Variants in REV1 observed in about 807,000 individuals in gnomAD.
REV1 encodes the protein REV1 DNA directed polymerase.
A neutral mutation model predicts 137.4 loss-of-function variants in REV1; 42 were observed. The observed-to-expected ratio is 0.31, with a 90% CI of 0.24 to 0.40. The LOEUF (loss-of-function observed/expected upper bound fraction) is 0.40, where lower values mean the gene tolerates loss of function less well. Ranked by LOEUF, REV1 falls within the 10% of genes least tolerant of loss-of-function variation. REV1 has a pLI of 1.00. For missense variants in REV1, 1,282 were observed against 1,490.1 expected (o/e 0.86, Z 2.30); for synonymous variants, 524 against 519.2 (o/e 1.01, Z -0.12).
intron 4 of REV1, among the ~76,000 whole-genome samples, chr2:99,447,219 T>C (rs7563455): frequency 0.44 from 67,349 of 151,588 alleles, 15,198 homozygotes; most frequent in Admixed American, 0.58. Flanking sequence ...TGCAGTGGCG[T>C]GATCTCAGCT....
chr2:99,408,998 A>G (rs28382955), intron 14 of REV1, among the ~76,000 whole-genome samples: 27,182 of 152,176 alleles, frequency 0.18, 2,953 homozygotes, highest in African/African-American at 0.29. Flanking sequence ...TATAGAAATA[A>G]CCACTAAAAG....
intron 1 of REV1, among the ~76,000 whole-genome samples, chr2:99,467,704 A>C (rs936560525): frequency 1.3e-5 from 2 of 152,228 alleles, no homozygotes; most frequent in African/African-American, 4.8e-5. Flanking sequence ...TAGACAGACC[A>C]AACTTTGCAG....
At position 99,417,440 on chromosome 2, in the gene REV1, G is replaced by A. The variant is rs531808974; in HGVS notation, c.1951+1388C>T. On this transcript the variant is annotated intron_variant, in intron 12 of 22. Transcript: ENST00000258428. ...ATTACAGGTGTGAGTCACCATGCCC[G>A]GCCACAGTGTGACTGTATTTGGACA... Among the ~76,000 whole-genome samples, 8 of 152,190 alleles carry A rather than the reference G, an allele frequency of 5.3e-5. No individual in the cohort carries two copies. The South Asian group carries it at 1.0e-3, about 20-fold the overall frequency.
intron 4 of REV1, among the ~76,000 whole-genome samples, chr2:99,447,865 C>T (rs1475682051): frequency 6.6e-6 from 1 of 152,124 alleles, no homozygotes; most frequent in Non-Finnish European, 1.5e-5. Flanking sequence ...GGATTACAGG[C>T]ACAAGCCACC....
chr2:99,436,442 T>C (rs766896851), intron 6 of REV1, among the ~76,000 whole-genome samples: 23 of 152,236 alleles, frequency 1.5e-4, no homozygotes, highest in Non-Finnish European at 1.0e-4. Flanking sequence ...TCACATAGCC[T>C]ATTATTAAAT....
At chr2:99,490,134 C>G (rs376001761), upstream of REV1, 17 of 140,386 alleles carry the variant, frequency 1.2e-4, no homozygotes, top group East Asian at 2.1e-3. Flanking sequence ...TCTGCTCCCC[C>G]CGGCCCGGGG....
intron 14 of REV1, 74 bp from the exon 15 acceptor site, chr2:99,408,205 G>GT (rs1426815844): frequency 1.4e-6 from 1 of 716,204 alleles, no homozygotes; most frequent in Non-Finnish European, 2.2e-6. Context: ...GTATGGAACT[G>GT]TTTAAAAGAG....
At position 99,400,629 on chromosome 2, in the gene REV1, G is replaced by A. The variant is rs898357136; in HGVS notation, c.*612C>T. 1.3e-5 allele frequency: 2 copies of A among 152,134 alleles called. No homozygotes were observed. The highest frequency in any genetic ancestry group is 3.4e-3 in the Middle Eastern group (1 of 294). 9.4% of individuals were successfully genotyped at this position (152,134 alleles called of 1,614,324 possible). On this transcript the variant is annotated 3_prime_UTR_variant, in exon 23 of 23. Coordinates refer to ENST00000258428, the MANE Select transcript of REV1 (RefSeq NM_016316.4). ...AAAGACAACACCACCTCTGATCTAC[G>A]GGACATAATGTTCCCAGGAAAAAAA...
chr2:99,484,018 T>A (rs1575264858), intron 1 of REV1, among the ~76,000 whole-genome samples: 1 of 149,122 alleles, frequency 6.7e-6, no homozygotes, highest in Non-Finnish European at 1.5e-5. Context: ...TCAGAAACCA[T>A]TAAAATTTAT....
Position 99,403,095 on chromosome 2 carries a change from G to T in REV1, c.3178C>A (p.Pro1060Thr), listed in dbSNP as rs3087388. ...ACTGCTGCCTTTAGATGAAGTAAAG[G>T]ATTCTTTGGCACTAAGAGCAGATGG... ...QSASASVPKNPLLHLKAAVKE... is the reference protein window; with the variant it reads ...QSASASVPKNTLLHLKAAVKE... Residue 1060 changes from proline to threonine, a missense_variant, in exon 20 of 23, where the codon CCT becomes ACT. By Grantham distance (38) the Pro-to-Thr change is conservative (BLOSUM62 -1). Transcript: ENST00000258428. 357 of 1,604,958 alleles carry T rather than the reference G, an allele frequency of 2.2e-4. No individual in the cohort carries two copies. In the African/African-American group the frequency reaches 4.3e-3, roughly 19 times the overall value.
upstream of REV1, chr2:99,490,093 G>C (rs1477921010): frequency 7.1e-6 from 1 of 141,146 alleles, no homozygotes; most frequent in Non-Finnish European, 1.5e-5. Context: ...CCCCGGCCCC[G>C]CTCGCGCTCA....
intron 5 of REV1, among the ~76,000 whole-genome samples, chr2:99,440,183 C>G (rs1681298256): frequency 6.6e-6 from 1 of 152,164 alleles, no homozygotes; most frequent in Non-Finnish European, 1.5e-5. Context: ...AAAGTCACAT[C>G]CTGGCTCCTC....
chr2:99,421,091 T>C (rs780268577), intron 11 of REV1, among the ~76,000 whole-genome samples: 1 of 152,152 alleles, frequency 6.6e-6, no homozygotes, highest in Non-Finnish European at 1.5e-5. Context: ...TCAGGGTGAC[T>C]TCTAGAACTG....
At chr2:99,451,297 C>T (rs28369958) in intron 3 of REV1, 165 of 1,098,184 alleles carry the variant, frequency 1.5e-4, no homozygotes, top group Non-Finnish European at 1.8e-4. Context: ...TAAAAAGACA[C>T]GTCAAGAACA....
intron 1 of REV1, among the ~76,000 whole-genome samples, chr2:99,483,673 T>TA (rs773918509): frequency 4.6e-5 from 7 of 152,244 alleles, no homozygotes; most frequent in Non-Finnish European, 1.0e-4. Context: ...ATCAAGACTT[T>TA]AAATCGTAAT....
Position 99,438,995 on chromosome 2 carries a change from G to C in REV1, c.819C>G (p.Asp273Glu). 1.2e-6 allele frequency: 2 copies of C among 1,614,198 alleles called. No individual in the cohort carries two copies. The highest frequency in any genetic ancestry group is 1.7e-6 in the Non-Finnish European group (2 of 1,180,046). ...KAEKSSTDFR[D>E]CTLQQLQQST... ...TTTGCTGCAACTGCTGCAGAGTGCA[G>C]TCTCTGAAATCAGTGCTGCTCTTCT... is the stretch of plus-strand genomic sequence containing the variant. Residue 273 changes from aspartate to glutamate, a missense_variant, in exon 6 of 23, where the codon GAC (aspartate) becomes GAG (glutamate). Asp to Glu is a conservative substitution (Grantham distance 45). This residue lies in a region of REV1 where 432 missense variants were observed against 438.0 expected (regional missense o/e 0.99). Coordinates refer to ENST00000258428, the MANE Select transcript of REV1 (RefSeq NM_016316.4).
chr2:99,483,807 G>A (rs1293090380), intron 1 of REV1, among the ~76,000 whole-genome samples: 2 of 152,000 alleles, frequency 1.3e-5, no homozygotes, highest in Non-Finnish European at 2.9e-5. Flanking sequence ...GGCCTTGGGG[G>A]GAAAACCTAG....
chr2:99,429,134 A>G (rs1304896773), intron 9 of REV1, among the ~76,000 whole-genome samples: 3 of 151,438 alleles, frequency 2.0e-5, no homozygotes, highest in African/African-American at 4.8e-5. Flanking sequence ...GTTGACAAGG[A>G]AAAAAAAATG....
In REV1 at chr2:99,421,671, A is replaced by AG; in HGVS notation, c.1677-19dup. Reference sequence around the variant, plus strand: ...GAGTGTAGCTATCAACACAGAGCAAAGGCAACGAATCACAGCCACAGCCAC... The same window carrying AG: ...GAGTGTAGCTATCAACACAGAGCAAAGGGCAACGAATCACAGCCACAGCCAC... On this transcript the variant is annotated intron_variant, in intron 10 of 22. Coordinates refer to ENST00000258428, the MANE Select transcript of REV1 (RefSeq NM_016316.4). 6.2e-7 allele frequency: 1 copy of AG among 1,600,406 alleles called. No individual in the cohort carries two copies. Among genetic ancestry groups the AG allele is most frequent in the Non-Finnish European group, 8.5e-7 (1 of 1,173,236 alleles).
Sources: allele counts gnomAD v4.1 joint callset (sites outside exome capture counted in the v4.1 genomes callset), GRCh38; gene constraint gnomAD v4.1.1; regional missense constraint gnomAD v4.1.1; transcripts MANE v1.5; gene names NCBI Gene and HGNC (gene_info 2026-07-23, HGNC 2026-07-21).